NARS2: variants seen among roughly 807,000 people sequenced by gnomAD.
NARS2 encodes the protein asparaginyl-tRNA synthetase.
A neutral mutation model predicts 62.9 loss-of-function variants in NARS2; 60 were observed. The observed-to-expected ratio is 0.95, with a 90% confidence interval of 0.77 to 1.18. The LOEUF (loss-of-function observed/expected upper bound fraction) is 1.18. Ranked by LOEUF, NARS2 falls within the 50% of genes most tolerant of loss-of-function variation. The pLI is 0.00. For synonymous variants in NARS2, 196 were observed against 200.0 expected (o/e 0.98, Z 0.17); for missense variants, 619 against 576.4 (o/e 1.07, Z -0.76).
intron 13 of NARS2, 142 bp from the exon 14 acceptor site, chr11:78,436,956 G>T: frequency 1.3e-6 from 1 of 768,954 alleles, no homozygotes. Flanking sequence ...CCCCTCCACA[G>T]ACAGACAATG....
intron 6 of NARS2, among the ~76,000 whole-genome samples, chr11:78,494,773 C>A (rs1165974042): frequency 1.4e-4 from 21 of 152,096 alleles, no homozygotes; most frequent in Admixed American, 7.9e-4. Flanking sequence ...ACTAAACCTA[C>A]CTTATGCAGA....
At chr11:78,538,432 A>T (rs12419623) in intron 5 of NARS2, among the ~76,000 whole-genome samples, 80,923 of 152,056 alleles carry the variant, frequency 0.53, 26,487 homozygotes, top group Non-Finnish European at 0.75. Context: ...GAAAAAAGAA[A>T]ATAACATGTA....
Position 78,454,624 on chromosome 11 carries a change from G to GTT in NARS2, c.1165-10868_1165-10867dup, listed in dbSNP as rs34684093. Among the ~76,000 whole-genome samples, 584 of 141,764 alleles carry GTT rather than the reference G, an allele frequency of 4.1e-3. 2 individuals are homozygous for GTT. Among genetic ancestry groups the GTT allele is most frequent in the Non-Finnish European group, 6.0e-3 (389 of 64,408 alleles). 93.0% of individuals were successfully genotyped at this position (141,764 alleles called of 152,430 possible). On this transcript the variant is annotated intron_variant, in intron 11 of 13. Transcript: ENST00000281038. ...TTTTATAAATTACCAAGTCTCAGGTGTTTTTTTTTTTTTTAATGTAGCCTC... is the reference window on the plus strand; with the variant it reads ...TTTTATAAATTACCAAGTCTCAGGTGTTTTTTTTTTTTTTTTAATGTAGCCTC...
At chr11:78,442,315 G>T (rs1433811342) in intron 12 of NARS2, among the ~76,000 whole-genome samples, 1 of 152,170 alleles carries the variant, frequency 6.6e-6, no homozygotes, top group Admixed American at 6.5e-5. Context: ...TGCTGTAATA[G>T]TAGTAAGGAG....
chr11:78,444,592 G>A (rs1292570222), intron 11 of NARS2, among the ~76,000 whole-genome samples: 3 of 151,980 alleles, frequency 2.0e-5, no homozygotes, highest in African/African-American at 7.3e-5. Context: ...GGTGGTGCAT[G>A]CCTGTAATCC....
At chr11:78,448,931 T>C (rs750580530) in intron 11 of NARS2, among the ~76,000 whole-genome samples, 10 of 152,184 alleles carry the variant, frequency 6.6e-5, no homozygotes, top group Non-Finnish European at 1.0e-4. Context: ...CTTAATTCTT[T>C]TAATGCTATG....
intron 7 of NARS2, among the ~76,000 whole-genome samples, chr11:78,492,230 T>C (rs995619634): frequency 6.6e-6 from 1 of 152,098 alleles, no homozygotes; most frequent in Non-Finnish European, 1.5e-5. Context: ...CACTGAGGCC[T>C]AGAGACATTA....
intron 11 of NARS2, among the ~76,000 whole-genome samples, chr11:78,459,560 G>A (rs575935377): frequency 5.3e-5 from 8 of 152,064 alleles, no homozygotes; most frequent in Admixed American, 2.0e-4. Flanking sequence ...GTGAGCCACC[G>A]CGCCCAGCCG....
At chr11:78,464,722 C>A (rs72477744) in intron 11 of NARS2, among the ~76,000 whole-genome samples, 2 of 152,204 alleles carry the variant, frequency 1.3e-5, no homozygotes, top group Non-Finnish European at 2.9e-5. Context: ...AAGTCCCCAT[C>A]AGAGTAGCTA....
intron 6 of NARS2, among the ~76,000 whole-genome samples, chr11:78,512,662 C>G (rs997477940): frequency 1.8e-4 from 27 of 152,218 alleles, no homozygotes; most frequent in Admixed American, 1.3e-4. Context: ...TTCATTTGAA[C>G]AAGATCAGTA....
At chr11:78,438,297 C>CT (rs1228350634) in intron 13 of NARS2, among the ~76,000 whole-genome samples, 5 of 152,014 alleles carry the variant, frequency 3.3e-5, no homozygotes, top group African/African-American at 1.2e-4. Context: ...TTAGTAATAA[C>CT]TATAAGAAAT....
intron 4 of NARS2, among the ~76,000 whole-genome samples, chr11:78,561,033 C>T (rs943583552): frequency 2.0e-5 from 3 of 152,060 alleles, no homozygotes; most frequent in South Asian, 4.1e-4. Flanking sequence ...CATGATTGCC[C>T]AAGTTAGAAC....
chr11:78,455,529 C>T (rs1428648590), intron 11 of NARS2, among the ~76,000 whole-genome samples: 1 of 152,142 alleles, frequency 6.6e-6, no homozygotes, highest in African/African-American at 2.4e-5. Flanking sequence ...CTAAGGTCTT[C>T]TTTTAGTTAC....
At chr11:78,536,006 A>G (rs999953353) in intron 5 of NARS2, among the ~76,000 whole-genome samples, 2 of 152,320 alleles carry the variant, frequency 1.3e-5, no homozygotes, top group South Asian at 4.1e-4. Flanking sequence ...GAGCAGCCAC[A>G]GTACTCTATA....
At chr11:78,451,706 T>C (rs959057919) in intron 11 of NARS2, among the ~76,000 whole-genome samples, 6 of 152,248 alleles carry the variant, frequency 3.9e-5, no homozygotes, top group African/African-American at 1.4e-4. Context: ...GATTTTATCA[T>C]AGCTAACCAT....
intron 6 of NARS2, among the ~76,000 whole-genome samples, chr11:78,506,805 T>C (rs1428332751): frequency 6.6e-6 from 1 of 152,326 alleles, no homozygotes; most frequent in African/African-American, 2.4e-5. Context: ...TCCGACAGTG[T>C]TGGGATTACA....
chr11:78,566,743 C>T (rs1856759256), intron 3 of NARS2, among the ~76,000 whole-genome samples: 1 of 152,200 alleles, frequency 6.6e-6, no homozygotes, highest in Non-Finnish European at 1.5e-5. Flanking sequence ...CAATTCATTA[C>T]TATTATCAAC....
intron 5 of NARS2, among the ~76,000 whole-genome samples, chr11:78,540,599 T>C (rs1381311610): frequency 6.6e-6 from 1 of 152,244 alleles, no homozygotes. Flanking sequence ...TATTTACTCA[T>C]AATCCCAGAG....
chr11:78,485,238 G>GA (rs1363314863), intron 7 of NARS2, among the ~76,000 whole-genome samples: 5 of 151,894 alleles, frequency 3.3e-5, no homozygotes, highest in Non-Finnish European at 7.4e-5. Flanking sequence ...CCTATTGGGG[G>GA]ATGGGGGACA....
Sources: allele counts gnomAD v4.1 joint callset (sites outside exome capture counted in the v4.1 genomes callset), GRCh38; gene constraint gnomAD v4.1.1; transcripts MANE v1.5; gene names NCBI Gene and HGNC (gene_info 2026-07-23, HGNC 2026-07-21).